Variants in PXN observed in about 807,000 individuals in gnomAD.
PXN encodes the protein paxillin.
Under a neutral mutation model 103.6 loss-of-function variants are expected in PXN, and 61 were observed. The ratio of observed to expected loss-of-function variants is 0.59; its 90% CI spans 0.48 to 0.73. The LOEUF (loss-of-function observed/expected upper bound fraction) is 0.73, where lower values mean the gene tolerates loss of function less well. Ranked by LOEUF, PXN falls within the 30% of genes least tolerant of loss-of-function variation. PXN has a pLI of 0.00. For synonymous variants in PXN, 562 were observed against 607.8 expected, an observed-to-expected ratio of 0.92 and a Z score of 1.11; for missense variants, 1,274 against 1,460.3, an observed-to-expected ratio of 0.87 and a Z score of 2.08.
Position 120,222,668 on chromosome 12 carries a change from G to T in PXN, c.576C>A (p.Gly192=). ...TCTCTTTCGTCAGGGGCCCAGCTTT[G>T]CCTCCCAAGGGGCTGTTAGTCTCTG... ...GVPETNSPLG[G]KAGPLTKEKP... is the part of the protein sequence containing the mutation. The change falls in exon 5 of 15, where the codon GGC becomes GGA. Residue 192 remains glycine, a synonymous_variant. Coordinates refer to ENST00000637617, the MANE Select transcript of PXN (RefSeq NM_001385981.1). The surrounding 1 kb of genome is among the most constrained non-coding windows in gnomAD (Gnocchi z 4.7). 6.2e-7 allele frequency: 1 copy of T among 1,608,670 alleles called. No individual in the cohort carries two copies. The highest frequency in any genetic ancestry group is 8.5e-7 in the Non-Finnish European group (1 of 1,177,750).
rs527992292 is a variant in PXN, at chr12:120,222,056, T to C, written c.696-298A>G. On this transcript the variant is annotated intron_variant, in intron 5 of 14. Transcript: ENST00000637617. This position sits in a 1 kb window ranked among gnomAD's most constrained non-coding sequence, Gnocchi z 4.7. ...ACACTGGACATGGAGGTGAGGCTAC[T>C]GCAGTAACACGACGGCACTGGTAAG... Among the ~76,000 whole-genome samples the C allele has an allele frequency of 6.6e-6, 1 of 152,342 alleles. No individual in the cohort carries two copies. The highest frequency in any genetic ancestry group is 6.5e-5 in the Admixed American group (1 of 15,304).
rs1419142870 is a variant in PXN, at chr12:120,225,354, AC to A, written c.14-978del. ...CTTGCTTGCTCTCAGCTCCCCGGTA[AC>A]CTGCTGGGTCCAGGGAGCTGACAGC... On this transcript the variant is annotated intron_variant, in intron 1 of 14. Coordinates refer to ENST00000637617, the MANE Select transcript of PXN (RefSeq NM_001385981.1). The surrounding 1 kb of genome is among the most constrained non-coding windows in gnomAD (Gnocchi z 4.4). 4 of 152,912 alleles carry A rather than the reference AC, an allele frequency of 2.6e-5. No individual in the cohort carries two copies. Among genetic ancestry groups the A allele is most frequent in the African/African-American group, 9.7e-5 (4 of 41,390 alleles). The allele number at this position is 152,912 out of a possible 1,614,324, so 9.5% of individuals were successfully genotyped here.
At chr12:120,226,077 G>A (rs756628036) in intron 1 of PXN, 87 of 1,109,240 alleles carry the variant, frequency 7.8e-5, no homozygotes, top group African/African-American at 9.9e-5. Flanking sequence ...ACTAGAGGGA[G>A]TTGGTAGGTA....
In PXN at chr12:120,216,484, G is replaced by A. The variant is rs1184223610; in HGVS notation, c.2090C>T (p.Ala697Val). The A allele has an allele frequency of 1.4e-5, 19 of 1,385,084 alleles. No individual in the cohort carries two copies. The highest frequency in any genetic ancestry group is 5.1e-5 in the South Asian group (3 of 59,020). 85.8% of individuals were successfully genotyped at this position (1,385,084 alleles called of 1,614,324 possible). ...GGGCAGGGGAGAAGAGCTGCTGGCC[G>A]CGGCGTCTGTGCGATGCTGGAGCAA... is the stretch of plus-strand genomic sequence containing the variant. ...VPLLQHRTDA[A>V]ASSSSPLPSL... Residue 697 changes from alanine to valine, a missense_variant, in exon 9 of 15, where the codon GCG becomes GTG. By Grantham distance (64) the Ala-to-Val change is moderately conservative. Coordinates refer to ENST00000637617, the MANE Select transcript of PXN (RefSeq NM_001385981.1). The surrounding 1 kb of genome is among the most constrained non-coding windows in gnomAD (Gnocchi z 5.1).
At chr12:120,255,483 C>A (rs1307870355) in intron 1 of PXN, among the ~76,000 whole-genome samples, 2 of 152,218 alleles carry the variant, frequency 1.3e-5, no homozygotes, top group East Asian at 3.9e-4. Flanking sequence ...ATCACAAGGT[C>A]AAGAGTTCAA....
Position 120,212,655 on chromosome 12 carries a change from G to A in PXN, c.2980-75C>T, listed in dbSNP as rs1880609399. 2 of 1,532,670 alleles carry A rather than the reference G, an allele frequency of 1.3e-6. No homozygotes were observed. The highest frequency in any genetic ancestry group is 1.2e-5 in the South Asian group (1 of 82,256). The allele number at this position is 1,532,670 out of a possible 1,614,324, so 94.9% of individuals were successfully genotyped here. A position where few individuals can be genotyped will look rare whatever the true frequency, so the allele number is the denominator to read the frequency against. On this transcript the variant is annotated intron_variant, in intron 14 of 14. Coordinates refer to ENST00000637617, the MANE Select transcript of PXN (RefSeq NM_001385981.1). This position sits in a 1 kb window ranked among gnomAD's most constrained non-coding sequence, Gnocchi z 7.2. The stretch of plus-strand genomic sequence containing the variant: ...GCACCCTGTGTGATGGGGCCGAGGT[G>A]GGCATAGTCGGCACGCTCGGAGTGA...
intron 1 of PXN, among the ~76,000 whole-genome samples, chr12:120,237,917 G>A (rs1889401447): frequency 1.3e-5 from 2 of 152,120 alleles, no homozygotes; most frequent in Admixed American, 1.3e-4. Context: ...GGCTCCCCAG[G>A]CACAATCATA....
intron 1 of PXN, among the ~76,000 whole-genome samples, chr12:120,234,107 A>C (rs1024706206): frequency 1.9e-5 from 1 of 53,840 alleles, no homozygotes; most frequent in Admixed American, 2.1e-4. Context: ...AGATAAAAAG[A>C]GAGGCTTCAA....
rs529828261 is a variant in PXN, at chr12:120,243,584, T to A, written c.14-19207A>T. Among the ~76,000 whole-genome samples, 41 of 152,304 alleles carry A rather than the reference T, an allele frequency of 2.7e-4. No homozygotes were observed. The Middle Eastern group carries it at 0.02, about 76-fold the overall frequency. On this transcript the variant is annotated intron_variant, in intron 1 of 14. Transcript: ENST00000637617. ...GCACATGCCTGTAATCCCAGTTACT[T>A]AGGAAGCTGAGGCTGGAAGATGGAT...
chr12:120,244,683 C>A (rs1347749191), intron 1 of PXN, among the ~76,000 whole-genome samples: 2 of 148,854 alleles, frequency 1.3e-5, no homozygotes, highest in African/African-American at 5.0e-5. Context: ...CTTAGCTGGG[C>A]GCAGTGGCAG....
intron 1 of PXN, among the ~76,000 whole-genome samples, chr12:120,256,450 A>C (rs978698230): frequency 1.4e-4 from 22 of 152,078 alleles, no homozygotes; most frequent in African/African-American, 5.3e-4. Context: ...CGGAACCAGA[A>C]GAAAAAGGAG....
intron 1 of PXN, chr12:120,226,807 G>T: frequency 9.8e-7 from 1 of 1,021,902 alleles, no homozygotes; most frequent in Non-Finnish European, 1.2e-6. Context: ...CTCAGGGCCT[G>T]TTGTCTCAGT....
chr12:120,245,630 T>C (rs1361542159), intron 1 of PXN, among the ~76,000 whole-genome samples: 2 of 150,970 alleles, frequency 1.3e-5, no homozygotes, highest in East Asian at 3.9e-4. Flanking sequence ...TACTAAAAAA[T>C]ACAAAAAATT....
At position 120,219,130 on chromosome 12, in the gene PXN, C is replaced by T; in HGVS notation, c.1716+77G>A. On this transcript the variant is annotated intron_variant, in intron 7 of 14. Coordinates refer to ENST00000637617, the MANE Select transcript of PXN (RefSeq NM_001385981.1). The surrounding 1 kb of genome is among the most constrained non-coding windows in gnomAD (Gnocchi z 6.5). ...CAGACATGCGCAGAGTGGGAGGCTG[C>T]ATGCAGTTAGCGAGGAGCGGCCCAC... The T allele has an allele frequency of 1.5e-6, 2 of 1,365,188 alleles. No individual in the cohort carries two copies. Among genetic ancestry groups the T allele is most frequent in the South Asian group, 1.5e-5 (1 of 68,636 alleles). The allele number at this position is 1,365,188 out of a possible 1,614,324, so 84.6% of individuals were successfully genotyped here. A position where few individuals can be genotyped will look rare whatever the true frequency, so the allele number is the denominator to read the frequency against.
intron 1 of PXN, among the ~76,000 whole-genome samples, chr12:120,261,159 C>T (rs1228047945): frequency 1.3e-5 from 2 of 152,180 alleles, no homozygotes; most frequent in Non-Finnish European, 2.9e-5. Context: ...AGCACAGTGC[C>T]TGCACATAAT....
chr12:120,232,124 G>A (rs1888172804), intron 1 of PXN, among the ~76,000 whole-genome samples: 1 of 152,302 alleles, frequency 6.6e-6, no homozygotes, highest in East Asian at 1.9e-4. Flanking sequence ...TGGGCTCAAG[G>A]GATCTTCCTG....
intron 1 of PXN, among the ~76,000 whole-genome samples, chr12:120,258,192 C>CA (rs35240186): frequency 0.011 from 1,257 of 118,350 alleles, 18 homozygotes; most frequent in African/African-American, 0.034. Context: ...GACTCCGTCT[C>CA]AAAAAAAAAA....
In PXN at chr12:120,212,338, G is replaced by GT; in HGVS notation, c.3221dup (p.Asn1074LysfsTer29). On this transcript the variant is annotated frameshift_variant, in exon 15 of 15. Coordinates refer to ENST00000637617, the MANE Select transcript of PXN (RefSeq NM_001385981.1). LOFTEE classifies it high-confidence loss of function. This position sits in a 1 kb window ranked among gnomAD's most constrained non-coding sequence, Gnocchi z 7.2. ...CCTAGCAGAAGAGCTTGAGGAAGCA[G>GT]TTCTGACAGTAAGGCTTGTCGTTCT... 2 of 1,613,856 alleles carry GT rather than the reference G, an allele frequency of 1.2e-6. No individual in the cohort carries two copies. The highest frequency in any genetic ancestry group is 2.2e-5 in the South Asian group (2 of 91,074).
rs2239207 is a variant in PXN, at chr12:120,243,358, G to T, written c.14-18981C>A. On this transcript the variant is annotated intron_variant, in intron 1 of 14. Transcript: ENST00000637617. ...AATGACCATTTAAGTAAAGGACAAA[G>T]GTTGGGGCCTTTTCTAAATGTTGAG... is the stretch of plus-strand genomic sequence containing the variant. Among the ~76,000 whole-genome samples the T allele has an allele frequency of 7.9e-3, 1,200 of 152,292 alleles. 27 individuals are homozygous for T. The East Asian group carries it at 0.1, about 13-fold the overall frequency.
Sources: gnomAD v4.1 joint callset for allele counts (sites outside exome capture counted in the v4.1 genomes callset) on GRCh38, gnomAD v4.1.1 for gene constraint, Gnocchi (gnomAD v3.1) non-coding constraint, MANE v1.5 for transcripts, NCBI Gene and HGNC (gene_info 2026-07-23, HGNC 2026-07-21) for gene names.